SLC12A7: variants seen among roughly 807,000 people sequenced by gnomAD.
SLC12A7 encodes solute carrier family 12 member 7.
SLC12A7 carries 100 observed loss-of-function variants against 120.6 expected under a neutral mutation model. That is an observed-to-expected ratio of 0.83 (90% CI 0.71 to 0.98). The LOEUF (loss-of-function observed/expected upper bound fraction) is 0.98, where lower values mean the gene tolerates loss of function less well. SLC12A7 is among the 50% of genes least tolerant of loss of function. The pLI is 0.00. For synonymous variants in SLC12A7, 760 were observed against 678.0 expected, an observed-to-expected ratio of 1.12 and a Z score of -1.88; for missense variants, 1,373 against 1,548.1, an observed-to-expected ratio of 0.89 and a Z score of 1.90.
the SLC12A7 span, among the ~76,000 whole-genome samples, chr5:1,134,796 C>T: frequency 1.3e-5 from 2 of 152,030 alleles, no homozygotes; most frequent in African/African-American, 4.8e-5. Context: ...AAGCCATGAA[C>T]AAAACAAGTC....
intron 22 of SLC12A7, among the ~76,000 whole-genome samples, chr5:1,053,997 C>G (rs961834153): frequency 1.3e-5 from 2 of 152,240 alleles, no homozygotes; most frequent in Admixed American, 6.5e-5. Flanking sequence ...GTCCAAGGGG[C>G]CGGAAGCTCA....
At chr5:1,113,078 T>C (rs1743165136), upstream of SLC12A7, among the ~76,000 whole-genome samples, 1 of 152,134 alleles carries the variant, frequency 6.6e-6, no homozygotes, top group Non-Finnish European at 1.5e-5. Flanking sequence ...ACCTGGCACA[T>C]TTCTCAACAA....
intron 18 of SLC12A7, among the ~76,000 whole-genome samples, chr5:1,065,024 G>A (rs1163401230): frequency 7.6e-6 from 1 of 131,150 alleles, no homozygotes; most frequent in Non-Finnish European, 1.6e-5. Flanking sequence ...GGGGACACGG[G>A]ACAGTGAGGG....
chr5:1,148,212 T>C, the SLC12A7 span, among the ~76,000 whole-genome samples: 1 of 141,952 alleles, frequency 7.0e-6, no homozygotes, highest in South Asian at 2.3e-4. Flanking sequence ...TTTCTTTTTT[T>C]TTTTTTTTTT....
At position 1,050,487 on chromosome 5, in the gene SLC12A7, G is replaced by A; in HGVS notation, c.*1873C>T. ...AATGGCTGTAGTTACTGGTTACACGGAGTTGACAACACAAAGGATGCCTGG... is the reference window on the plus strand; with the variant it reads ...AATGGCTGTAGTTACTGGTTACACGAAGTTGACAACACAAAGGATGCCTGG... On this transcript the variant is annotated 3_prime_UTR_variant, in exon 24 of 24. Coordinates refer to ENST00000264930, the MANE Select transcript of SLC12A7 (RefSeq NM_006598.3). 4.8e-6 allele frequency: 1 copy of A among 207,116 alleles called. No individual in the cohort carries two copies. The highest frequency in any genetic ancestry group is 1.9e-4 in the South Asian group (1 of 5,288). 12.8% of individuals were successfully genotyped at this position (207,116 alleles called of 1,614,324 possible). A position where few individuals can be genotyped will look rare whatever the true frequency, so the allele number is the denominator to read the frequency against.
At chr5:1,109,891 G>C (rs1485908136) in intron 1 of SLC12A7, among the ~76,000 whole-genome samples, 1 of 152,264 alleles carries the variant, frequency 6.6e-6, no homozygotes, top group Admixed American at 6.5e-5. Context: ...TTGGGTGCTG[G>C]TAACTCTGTG....
At chr5:1,136,271 C>T in the SLC12A7 span, among the ~76,000 whole-genome samples, 2 of 151,466 alleles carry the variant, frequency 1.3e-5, no homozygotes, top group Non-Finnish European at 2.9e-5. Flanking sequence ...ACGACTCCTC[C>T]TGACACCCAC....
At chr5:1,094,078 GC>G in intron 2 of SLC12A7, 75 bp downstream of exon 2, 1 of 1,231,966 alleles carries the variant, frequency 8.1e-7, no homozygotes, top group Non-Finnish European at 1.2e-6. Flanking sequence ...CGGCCTGGGG[GC>G]CCCCAGGGGC....
chr5:1,081,723 G>A lies in SLC12A7; in HGVS notation c.1151C>T (p.Ala384Val), dbSNP rs376127373. 46 of 1,612,716 alleles carry A rather than the reference G, an allele frequency of 2.9e-5. No homozygotes were observed. The highest frequency in any genetic ancestry group is 1.6e-4 in the Middle Eastern group (1 of 6,078). The change falls in exon 9 of 24, where the codon GCG becomes GTG. Residue 384 changes from alanine (A) to valine (V), a missense_variant. Transcript: ENST00000264930. Reference protein sequence around the residue: ...VFLENLWSTYAHAGAFVEKKG... With the variant: ...VFLENLWSTYVHAGAFVEKKG... ...CTTCTCCACAAACGCCCCCGCGTGC[G>A]CGTACGTACTCCACAGGTTCTCTGC...
chr5:1,101,392 C>T (rs1053206388), intron 1 of SLC12A7, among the ~76,000 whole-genome samples: 3 of 152,214 alleles, frequency 2.0e-5, no homozygotes, highest in East Asian at 1.9e-4. Context: ...GGACTGACAG[C>T]GTCTGGCCAG....
intron 12 of SLC12A7, among the ~76,000 whole-genome samples, chr5:1,077,295 C>T (rs1387001891): frequency 6.6e-6 from 1 of 152,218 alleles, no homozygotes; most frequent in Non-Finnish European, 1.5e-5. Context: ...GAGGGACCAG[C>T]GACGGGCAAG....
the SLC12A7 span, among the ~76,000 whole-genome samples, chr5:1,128,450 G>A: frequency 6.6e-6 from 1 of 152,258 alleles, no homozygotes; most frequent in African/African-American, 2.4e-5. Context: ...TGACCCTGGA[G>A]CATGCCTGGG....
chr5:1,084,311 G>A (rs541308490), intron 7 of SLC12A7, among the ~76,000 whole-genome samples: 21 of 152,304 alleles, frequency 1.4e-4, no homozygotes, highest in Admixed American at 4.6e-4. Flanking sequence ...CAATTCACAC[G>A]TTTTCCACCG....
At chr5:1,056,809 C>T (rs1040909794) in intron 22 of SLC12A7, among the ~76,000 whole-genome samples, 10 of 152,152 alleles carry the variant, frequency 6.6e-5, no homozygotes, top group African/African-American at 1.7e-4. Flanking sequence ...TCAGAGGCTG[C>T]GTCTGCAGAA....
At chr5:1,088,666 G>A (rs1740153601) in intron 4 of SLC12A7, among the ~76,000 whole-genome samples, 1 of 152,204 alleles carries the variant, frequency 6.6e-6, no homozygotes, top group Non-Finnish European at 1.5e-5. Flanking sequence ...CAGCCCCCGG[G>A]TGCCGCCCCA....
the SLC12A7 span, among the ~76,000 whole-genome samples, chr5:1,132,047 C>A: frequency 6.6e-6 from 1 of 152,324 alleles, no homozygotes; most frequent in South Asian, 2.1e-4. Context: ...GACGACCGCG[C>A]AAGAGGCAGG....
chr5:1,143,761 C>T, the SLC12A7 span, among the ~76,000 whole-genome samples: 1 of 152,200 alleles, frequency 6.6e-6, no homozygotes, highest in Non-Finnish European at 1.5e-5. Context: ...AAGCCCTGCA[C>T]CTTCCTCAGT....
At chr5:1,097,618 A>C (rs1362230223) in intron 1 of SLC12A7, among the ~76,000 whole-genome samples, 1 of 152,218 alleles carries the variant, frequency 6.6e-6, no homozygotes, top group Non-Finnish European at 1.5e-5. Context: ...CCAGCGAGGC[A>C]CGACTCTGTC....
In SLC12A7 at chr5:1,086,973, C is replaced by G; in HGVS notation, c.605G>C (p.Gly202Ala). 6.2e-7 allele frequency: 1 copy of G among 1,612,866 alleles called. No homozygotes were observed. Among genetic ancestry groups the G allele is most frequent in the Non-Finnish European group, 8.5e-7 (1 of 1,180,002 alleles). The change falls in exon 6 of 24, where the codon GGC (glycine) becomes GCC (alanine). Residue 202 changes from glycine (G) to alanine (A), a missense_variant. Transcript: ENST00000264930. ...CGTCGTGCCCAGGTAGAAGCAGAGG[C>G]CGACAGCGCCTCCAAACTCGGGTCC... is the stretch of plus-strand genomic sequence containing the variant. ...SLGPEFGGAV[G>A]LCFYLGTTFA...
Sources: gnomAD v4.1 joint callset for allele counts (sites outside exome capture counted in the v4.1 genomes callset) on GRCh38, gnomAD v4.1.1 for gene constraint, MANE v1.5 for transcripts, NCBI Gene and HGNC (gene_info 2026-07-23, HGNC 2026-07-21) for gene names.